Variants in RPH3A observed in about 807,000 individuals in gnomAD.
The protein encoded by RPH3A is rabphilin-3A.
In RPH3A, 48 loss-of-function variants were observed where a neutral mutation model predicts 102.2. The ratio of observed to expected loss-of-function variants is 0.47; its 90% CI spans 0.37 to 0.60. The LOEUF is 0.60. RPH3A is among the 20% of genes least tolerant of loss of function. The pLI, the probability that RPH3A is intolerant of heterozygous loss-of-function variation, is 0.00. For synonymous variants in RPH3A, 310 were observed against 324.3 expected (o/e 0.96, Z 0.47); for missense variants, 781 against 910.1 (o/e 0.86, Z 1.83).
In RPH3A at chr12:112,876,815, C is replaced by A; in HGVS notation, c.1120C>A (p.Pro374Thr). The A allele has an allele frequency of 2.5e-6, 4 of 1,609,798 alleles. No homozygotes were observed. Among genetic ancestry groups the A allele is most frequent in the Middle Eastern group, 1.7e-4 (1 of 6,046 alleles). Reference sequence around the variant, plus strand: ...GCCTGCTGCAGCCCGCCAGCCACCACCCCCAGAGGAGGAGGAAGAGGAAGC... The same window carrying A: ...GCCTGCTGCAGCCCGCCAGCCACCAACCCCAGAGGAGGAGGAAGAGGAAGC... ...PQPAAARQPPPPEEEEEEANS... is the reference protein window; with the variant it reads ...PQPAAARQPPTPEEEEEEANS... The change falls in exon 13 of 22, where the codon CCC (proline) becomes ACC (threonine). Residue 374 changes from proline to threonine, a missense_variant. This residue lies in a region of RPH3A where 730 missense variants were observed against 810.0 expected (regional missense o/e 0.90). Coordinates refer to ENST00000389385, the MANE Select transcript of RPH3A (RefSeq NM_001143854.2).
At chr12:112,713,102 T>TCTTCTTTCTTCTTC in intron 1 of RPH3A, among the ~76,000 whole-genome samples, 1 of 135,674 alleles carries the variant, frequency 7.4e-6, no homozygotes, top group East Asian at 2.3e-4. Context: ...TTCTTCTTCT[T>TCTTCTTTCTTCTTC]TTATTTTTTT....
At chr12:112,874,142 GC>G (rs1810222701) in intron 10 of RPH3A, 1 of 152,202 alleles carries the variant, frequency 6.6e-6, no homozygotes, top group Non-Finnish European at 1.5e-5. Context: ...AGGAAAGATG[GC>G]ATCTAGCCCA....
chr12:112,876,791 C>G lies in RPH3A; in HGVS notation c.1096C>G (p.Pro366Ala). ...CCAAGCATCTGCAGCTGCCCCCCAG[C>G]CTGCTGCAGCCCGCCAGCCACCACC... Reference protein sequence around the residue: ...YSQASAAAPQPAAARQPPPPE... With the variant: ...YSQASAAAPQAAAARQPPPPE... The change falls in exon 13 of 22, where the codon CCT (proline) becomes GCT (alanine). Residue 366 changes from proline to alanine, a missense_variant. Pro to Ala is a conservative substitution (Grantham distance 27). Coordinates refer to ENST00000389385, the MANE Select transcript of RPH3A (RefSeq NM_001143854.2). The G allele has an allele frequency of 6.2e-7, 1 of 1,610,222 alleles. No homozygotes were observed.
At position 112,823,755 on chromosome 12, in the gene RPH3A, G is replaced by T. The variant is rs2136143374; in HGVS notation, c.-18-4546G>T. Among the ~76,000 whole-genome samples, 2 of 152,252 alleles carry T rather than the reference G, an allele frequency of 1.3e-5. 1 individual carries two copies. The highest frequency in any genetic ancestry group is 4.2e-4 in the South Asian group (2 of 4,818). On this transcript the variant is annotated intron_variant, in intron 2 of 21. Coordinates refer to ENST00000389385, the MANE Select transcript of RPH3A (RefSeq NM_001143854.2). ...CTATTATGACGATGGTTTCTCTGTAGTGAGTGATGGGAAAGTGGGGAGTGG... is the reference window on the plus strand; with the variant it reads ...CTATTATGACGATGGTTTCTCTGTATTGAGTGATGGGAAAGTGGGGAGTGG...
intron 1 of RPH3A, among the ~76,000 whole-genome samples, chr12:112,645,742 G>T (rs1212176933): frequency 6.6e-6 from 1 of 152,092 alleles, no homozygotes; most frequent in South Asian, 2.1e-4. Context: ...GATTGCAATC[G>T]CTTCTAGTAG....
At chr12:112,863,573 C>G (rs117935734) in intron 5 of RPH3A, among the ~76,000 whole-genome samples, 2 of 152,232 alleles carry the variant, frequency 1.3e-5, no homozygotes, top group African/African-American at 2.4e-5. Flanking sequence ...AACAACTTGG[C>G]CTCCCAAAGT....
At chr12:112,681,290 C>T (rs2040224425) in intron 1 of RPH3A, among the ~76,000 whole-genome samples, 1 of 152,226 alleles carries the variant, frequency 6.6e-6, no homozygotes, top group Non-Finnish European at 1.5e-5. Flanking sequence ...CCTTTGTGGC[C>T]TTCCCCCTGC....
chr12:112,667,732 A>G (rs1367581729), intron 1 of RPH3A, among the ~76,000 whole-genome samples: 2 of 150,112 alleles, frequency 1.3e-5, no homozygotes, highest in African/African-American at 2.5e-5. Context: ...AATTACTGGA[A>G]CACAGAAGGA....
chr12:112,898,264 A>C lies in RPH3A; in HGVS notation c.*1484A>C, dbSNP rs922515019. ...AAAGGCAATGTGGGCAAACATTACAAATTTGAGGTTGAAGTCAGGCAATCT... is the reference window on the plus strand; with the variant it reads ...AAAGGCAATGTGGGCAAACATTACACATTTGAGGTTGAAGTCAGGCAATCT... On this transcript the variant is annotated 3_prime_UTR_variant, in exon 22 of 22. Transcript: ENST00000389385. 5 of 152,242 alleles carry C rather than the reference A, an allele frequency of 3.3e-5. No individual in the cohort carries two copies. The highest frequency in any genetic ancestry group is 1.2e-4 in the African/African-American group (5 of 41,454). 9.4% of individuals were successfully genotyped at this position (152,242 alleles called of 1,614,324 possible).
chr12:112,824,941 C>T (rs957009671), intron 2 of RPH3A, among the ~76,000 whole-genome samples: 2 of 152,192 alleles, frequency 1.3e-5, no homozygotes, highest in African/African-American at 4.8e-5. Context: ...ACCTACCTTC[C>T]TCCCAGGATC....
At chr12:112,709,506 C>T (rs548834806) in intron 1 of RPH3A, among the ~76,000 whole-genome samples, 14 of 151,028 alleles carry the variant, frequency 9.3e-5, no homozygotes, top group East Asian at 2.0e-4. Flanking sequence ...GCCATGCTCA[C>T]GCCACTGCAC....
chr12:112,831,676 A>AAAT (rs1459847352), intron 3 of RPH3A: 3 of 367,262 alleles, frequency 8.2e-6, no homozygotes, highest in African/African-American at 6.6e-5. Context: ...TCATTTGGTA[A>AAAT]AATTCTGTTG....
At chr12:112,850,231 CTGAG>C (rs540342148) in intron 5 of RPH3A, among the ~76,000 whole-genome samples, 54 of 152,040 alleles carry the variant, frequency 3.6e-4, no homozygotes, top group Non-Finnish European at 5.1e-4. Context: ...TCACATACAT[CTGAG>C]TGAGTATTTA....
At chr12:112,841,932 C>T (rs374535948) in intron 4 of RPH3A, 111 of 455,886 alleles carry the variant, frequency 2.4e-4, no homozygotes, top group African/African-American at 2.0e-3. Context: ...GTCTCTCTCT[C>T]CTGAATAGCT....
rs534421454 is a variant in RPH3A, at chr12:112,591,254, TA to T, written c.-140+15943del. 2.8e-3 allele frequency among the ~76,000 whole-genome samples: 418 copies of T among 151,766 alleles called. 4 individuals carry two copies. Among genetic ancestry groups the T allele is most frequent in the African/African-American group, 9.4e-3 (388 of 41,352 alleles). ...GTGTGTGCCACCACACCCAGATAAT[TA>T]AAAAAAATTTTTAGGAGATAGGATT... On this transcript the variant is annotated intron_variant, in intron 1 of 21. Coordinates refer to the RPH3A transcript ENST00000543106.
chr12:112,752,487 C>T lies in RPH3A; in HGVS notation c.-139-39656C>T, dbSNP rs144076171. Among the ~76,000 whole-genome samples the T allele has an allele frequency of 1.4e-3, 212 of 152,066 alleles. 1 individual carries two copies. Among genetic ancestry groups the T allele is most frequent in the African/African-American group, 4.8e-3 (198 of 41,474 alleles). ...TTTATTTTCTATGTATATGCTAATA[C>T]GTATCTCTTGTATGTCTTCTGTTCA... On this transcript the variant is annotated intron_variant, in intron 1 of 21. Transcript: ENST00000543106.
intron 1 of RPH3A, among the ~76,000 whole-genome samples, chr12:112,629,478 T>A (rs2039788798): frequency 6.8e-6 from 1 of 147,348 alleles, no homozygotes; most frequent in Non-Finnish European, 1.5e-5. Context: ...TTTTTTTTTT[T>A]TTTTTTTTGA....
At chr12:112,828,523 T>G (rs2041918753) in intron 3 of RPH3A, 134 bp downstream of exon 3, 1 of 640,368 alleles carries the variant, frequency 1.6e-6, no homozygotes, top group Non-Finnish European at 2.7e-6. Context: ...AGTTTAGTCA[T>G]GAAAACATCT....
intron 1 of RPH3A, among the ~76,000 whole-genome samples, chr12:112,718,413 G>T (rs1193225110): frequency 3.3e-5 from 5 of 152,106 alleles, no homozygotes; most frequent in Admixed American, 3.3e-4. Context: ...TTCTTCCCAG[G>T]GAATTATGTC....
Sources: gnomAD v4.1 joint callset for allele counts (sites outside exome capture counted in the v4.1 genomes callset) on GRCh38, gnomAD v4.1.1 for gene constraint, gnomAD v4.1.1 regional missense constraint, MANE v1.5 for transcripts, NCBI Gene and HGNC (gene_info 2026-07-23, HGNC 2026-07-21) for gene names.